Variants in ZAN observed in about 807,000 individuals in gnomAD.
ZAN encodes zonadhesin, also known as zonadhesin (gene/pseudogene).
A neutral mutation model predicts 286.2 loss-of-function variants in ZAN; 260 were observed. That is an observed-to-expected ratio of 0.91 (90% CI 0.82 to 1.01). ZAN has a LOEUF of 1.01. ZAN is among the 50% of genes least tolerant of loss of function. The probability of loss-of-function intolerance (pLI) is 0.00; values close to 1 mark genes in which losing one functional copy is unlikely to be tolerated. For missense variants in ZAN, 3,410 were observed against 3,639.2 expected (o/e 0.94, Z 1.62); for synonymous variants, 1,368 against 1,417.5 (o/e 0.97, Z 0.79).
rs1809892895 is a variant in ZAN at position 100,765,466 on chromosome 7, A to G, written c.4382A>G (p.Glu1461Gly). ...FCSDRCVEAC[E>G]CNPGFVLSGL... is the part of the protein sequence containing the mutation. Reference sequence around the variant, plus strand: ...TCAGACCGGTGCGTGGAGGCCTGTGAATGCAATCCGGGCTTCGTCCTCAGT... The same window carrying G: ...TCAGACCGGTGCGTGGAGGCCTGTGGATGCAATCCGGGCTTCGTCCTCAGT... The change falls in exon 23 of 48, where the codon GAA (glutamate) becomes GGA (glycine). Residue 1461 changes from glutamate to glycine, a missense_variant. Glu to Gly is a moderately conservative substitution (Grantham distance 98, BLOSUM62 -2). Coordinates refer to ENST00000613979, the MANE Select transcript of ZAN (RefSeq NM_003386.3). 9 of 1,613,540 alleles carry G rather than the reference A, an allele frequency of 5.6e-6. No individual in the cohort carries two copies. The South Asian group carries it at 9.9e-5, about 18-fold the overall frequency.
chr7:100,736,827 T>A lies in ZAN; in HGVS notation c.272T>A (p.Met91Lys). The A allele has an allele frequency of 6.8e-7, 1 of 1,480,278 alleles. No individual in the cohort carries two copies. Among genetic ancestry groups the A allele is most frequent in the Non-Finnish European group, 9.2e-7 (1 of 1,086,114 alleles). 91.7% of individuals were successfully genotyped at this position (1,480,278 alleles called of 1,614,324 possible). A position where few individuals can be genotyped will look rare whatever the true frequency, so the allele number is the denominator to read the frequency against. The change falls in exon 5 of 48, where the codon ATG becomes AAG. Residue 91 changes from methionine to lysine, a missense_variant. Physicochemically the swap from Met to Lys is moderately conservative, Grantham distance 95. This residue lies in a region of ZAN where 872 missense variants were observed against 938.9 expected (regional missense o/e 0.93). Transcript: ENST00000613979. ...CCCCCAGAGGGCAGCTATCTGCATATGGAATCGAACAGCTTCCACCGTGGG... is the reference window on the plus strand; with the variant it reads ...CCCCCAGAGGGCAGCTATCTGCATAAGGAATCGAACAGCTTCCACCGTGGG... ...YPNGEGSYLH[M>K]ESNSFHRGGV...
rs1393279740 is a variant in ZAN at position 100,795,922 on chromosome 7, T to TA, written c.8266+595dup. 2.8e-5 allele frequency among the ~76,000 whole-genome samples: 4 copies of TA among 142,556 alleles called. 1 individual carries two copies. The highest frequency in any genetic ancestry group is 5.2e-5 in the African/African-American group (2 of 38,368). The allele number at this position is 142,556 out of a possible 152,430, so 93.5% of individuals were successfully genotyped here. A position where few individuals can be genotyped will look rare whatever the true frequency, so the allele number is the denominator to read the frequency against. ...CTCCATCTAAAAAAAAATAAAAAAA[T>TA]AAAAAAAAATTAGCTGGGTATGGTG... On this transcript the variant is annotated intron_variant, in intron 45 of 47. Transcript: ENST00000613979.
At chr7:100,784,291 G>C (rs1320498478) in intron 35 of ZAN, among the ~76,000 whole-genome samples, 1 of 151,664 alleles carries the variant, frequency 6.6e-6, no homozygotes, top group African/African-American at 2.4e-5. Flanking sequence ...CACCACGCTT[G>C]GCTAATTGTT....
At chr7:100,767,283 G>T (rs1455723869) in intron 25 of ZAN, 26 bp downstream of exon 25, 1 of 1,589,934 alleles carries the variant, frequency 6.3e-7, no homozygotes, top group Non-Finnish European at 8.5e-7. Context: ...CTGCCTCCTG[G>T]ACCCTGAACA....
At chr7:100,750,509 C>A in intron 11 of ZAN, 116 bp from the exon 12 acceptor site, 1 of 1,251,742 alleles carries the variant, frequency 8.0e-7, no homozygotes, top group South Asian at 1.5e-5. Flanking sequence ...ATGCTACGAC[C>A]TGGGAAATTT....
chr7:100,787,616 G>A (rs1352174663), intron 37 of ZAN, among the ~76,000 whole-genome samples: 1 of 152,122 alleles, frequency 6.6e-6, no homozygotes, highest in Admixed American at 6.6e-5. Context: ...CTGGAGTGCA[G>A]TGGCGCGATC....
In ZAN at chr7:100,773,363, C is replaced by T. The variant is rs752010936; in HGVS notation, c.5504C>T (p.Pro1835Leu). Residue 1835 changes from proline to leucine, a missense_variant, in exon 30 of 48, where the codon CCG becomes CTG. Pro to Leu is a moderately conservative substitution (Grantham distance 98). Around this residue, in one of 7 missense-constraint regions of ZAN, gnomAD observed 1,289 missense variants for 1,314.3 expected, o/e 0.98. Transcript: ENST00000613979. ...CPDTCSSINN[P>L]RDCPKALPCA... ...GACACCTGCAGCAGCATAAACAACC[C>T]GAGGGACTGCCCCAAAGCACTGCCC... The T allele has an allele frequency of 8.7e-5, 141 of 1,613,842 alleles. No homozygotes were observed. The highest frequency in any genetic ancestry group is 2.8e-4 in the African/African-American group (21 of 74,916).
chr7:100,737,472 C>T lies in ZAN; in HGVS notation c.613+123C>T, dbSNP rs368958697. Reference sequence around the variant, plus strand: ...CTGTAATCCCAGCACTTTGGGAGGCCGAGGCGGGCGGATCACGAGGTCAAG... The same window carrying T: ...CTGTAATCCCAGCACTTTGGGAGGCTGAGGCGGGCGGATCACGAGGTCAAG... On this transcript the variant is annotated intron_variant, in intron 6 of 47. Coordinates refer to ENST00000613979, the MANE Select transcript of ZAN (RefSeq NM_003386.3). 2.8e-5 allele frequency: 18 copies of T among 644,532 alleles called. 1 individual carries two copies. The highest frequency in any genetic ancestry group is 2.7e-4 in the African/African-American group (14 of 51,728). The allele number at this position is 644,532 out of a possible 1,614,324, so 39.9% of individuals were successfully genotyped here.
In ZAN at chr7:100,760,892, A is replaced by ATTC. The variant is rs568604610; in HGVS notation, c.3842+368_3842+370dup. ...GATGGACAAAACAAGGGAAAGCAAG[A>ATTC]TTCTTCTTCTTCTTTTTTTTGAGAC... On this transcript the variant is annotated intron_variant, in intron 19 of 47. Transcript: ENST00000613979. Among the ~76,000 whole-genome samples the ATTC allele has an allele frequency of 2.6e-5, 4 of 152,078 alleles. No homozygotes were observed. In the East Asian group the frequency reaches 7.7e-4, roughly 29 times the overall value.
intron 35 of ZAN, among the ~76,000 whole-genome samples, chr7:100,781,215 G>A (rs1302513429): frequency 1.3e-5 from 2 of 151,798 alleles, no homozygotes; most frequent in African/African-American, 4.8e-5. Context: ...CTGCAGGCAC[G>A]CACCACCACA....
Position 100,758,303 on chromosome 7 carries a change from G to A in ZAN, c.3411G>A (p.Val1137=). ...TCTCTCAGTGTGGGACACACACCGTGTGCCAGCTTAAGAATGGCCAGTATG... is the reference window on the plus strand; with the variant it reads ...TCTCTCAGTGTGGGACACACACCGTATGCCAGCTTAAGAATGGCCAGTATG... ...CQISQCGTHT[V]CQLKNGQYGC... is the part of the protein sequence containing the mutation. Residue 1137 remains valine (V), a synonymous_variant, in exon 16 of 48, where the codon GTG becomes GTA. Coordinates refer to ENST00000613979, the MANE Select transcript of ZAN (RefSeq NM_003386.3). The A allele has an allele frequency of 6.2e-7, 1 of 1,613,340 alleles. No homozygotes were observed. Among genetic ancestry groups the A allele is most frequent in the South Asian group, 1.1e-5 (1 of 91,088 alleles).
Position 100,774,301 on chromosome 7 carries a change from C to T in ZAN, c.5779+436C>T, listed in dbSNP as rs369218962. Among the ~76,000 whole-genome samples the T allele has an allele frequency of 1.3e-3, 200 of 152,212 alleles. 1 individual carries two copies. The highest frequency in any genetic ancestry group is 4.3e-3 in the African/African-American group (177 of 41,526). On this transcript the variant is annotated intron_variant, in intron 31 of 47. Transcript: ENST00000613979. The stretch of plus-strand genomic sequence containing the variant: ...AGGAGAATTGCTTGAACCCAGGAGG[C>T]AGAGGTTGCAGTGAGCAGAGATCGT...
intron 45 of ZAN, 91 bp from the exon 46 acceptor site, chr7:100,797,275 G>A: frequency 8.2e-7 from 1 of 1,213,096 alleles, no homozygotes; most frequent in Non-Finnish European, 1.2e-6. Context: ...GGTCCCCTGG[G>A]GTAGCAAGCA....
At position 100,747,642 on chromosome 7, in the gene ZAN, G is replaced by A. The variant is rs1808326070; in HGVS notation, c.1023+1G>A. On this transcript the variant is annotated splice_donor_variant, in intron 9 of 47. Coordinates refer to ENST00000613979, the MANE Select transcript of ZAN (RefSeq NM_003386.3). LOFTEE classifies it high-confidence loss of function. The stretch of plus-strand genomic sequence containing the variant: ...TTACACAGCCGTGGGACGGATACAG[G>A]TACAGAGAAGCAAGGGGTCAGGTCC... 4 of 1,613,522 alleles carry A rather than the reference G, an allele frequency of 2.5e-6. No homozygotes were observed. Among genetic ancestry groups the A allele is most frequent in the South Asian group, 1.1e-5 (1 of 91,086 alleles).
chr7:100,790,520 C>T (rs1351500325), intron 39 of ZAN, among the ~76,000 whole-genome samples: 4 of 149,636 alleles, frequency 2.7e-5, no homozygotes, highest in South Asian at 4.2e-4. Flanking sequence ...GGAGATCACA[C>T]CGCTGCACTC....
Position 100,755,371 on chromosome 7 carries a change from C to T in ZAN, c.3270C>T (p.Ala1090=). ...TTAGTGACAACCACTGCATCCAGGC[C>T]TCTTCCTGCAATTGCTTCTACAACA... ...FLFSDNHCIQ[A]SSCNCFYNND... The change falls in exon 15 of 48, where the codon GCC becomes GCT. Residue 1090 remains alanine, a synonymous_variant. Transcript: ENST00000613979. The T allele has an allele frequency of 1.2e-6, 2 of 1,613,630 alleles. No individual in the cohort carries two copies. The highest frequency in any genetic ancestry group is 2.2e-5 in the East Asian group (1 of 44,870).
At chr7:100,748,513 C>T in intron 11 of ZAN, 43 bp downstream of exon 11, 1 of 1,574,338 alleles carries the variant, frequency 6.4e-7, no homozygotes, top group Non-Finnish European at 8.6e-7. Context: ...ATCACTCAGT[C>T]TGCTCCCAGG....
At chr7:100,777,588 C>T (rs984268921) in intron 34 of ZAN, among the ~76,000 whole-genome samples, 3 of 152,000 alleles carry the variant, frequency 2.0e-5, no homozygotes, top group African/African-American at 7.2e-5. Flanking sequence ...CCTTGAACTC[C>T]TGACCTCAAG....
At chr7:100,760,349 C>T in intron 18 of ZAN, 42 bp from the exon 19 acceptor site, 3 of 1,604,546 alleles carry the variant, frequency 1.9e-6, no homozygotes, top group East Asian at 2.2e-5. Flanking sequence ...TCCTCCTTGA[C>T]CCCCAGCTCT....
Sources: gnomAD v4.1 joint callset for allele counts (sites outside exome capture counted in the v4.1 genomes callset) on GRCh38, gnomAD v4.1.1 for gene constraint, gnomAD v4.1.1 regional missense constraint, MANE v1.5 for transcripts, NCBI Gene and HGNC (gene_info 2026-07-23, HGNC 2026-07-21) for gene names.